Variants in KTN1 observed in about 807,000 individuals in gnomAD.
The protein encoded by KTN1 is kinectin.
In KTN1, 130 loss-of-function variants were observed where a neutral mutation model predicts 222.5. The observed-to-expected ratio is 0.58, with a 90% CI of 0.51 to 0.68. The LOEUF (loss-of-function observed/expected upper bound fraction) is 0.68, where lower values mean the gene tolerates loss of function less well. Ranked by LOEUF, KTN1 falls within the 30% of genes least tolerant of loss-of-function variation. The pLI, the probability that KTN1 is intolerant of heterozygous loss-of-function variation, is 0.00. For missense variants in KTN1, 1,508 were observed against 1,500.4 expected (o/e 1.01, Z -0.08); for synonymous variants, 512 against 496.3 (o/e 1.03, Z -0.42).
chr14:55,663,642 T>TTCTAATGTTCAA, intron 32 of KTN1: 1 of 237,788 alleles, frequency 4.2e-6, no homozygotes, highest in East Asian at 1.0e-4. Flanking sequence ...TCAATGTACC[T>TTCTAATGTTCAA]GAAATCATGT....
At chr14:55,584,944 G>T (rs558599807) in intron 1 of KTN1, among the ~76,000 whole-genome samples, 1 of 152,066 alleles carries the variant, frequency 6.6e-6, no homozygotes, top group East Asian at 1.9e-4. Flanking sequence ...ACCAGCCTGG[G>T]CAACGTGGCA....
chr14:55,683,809 T>TGAGTAGG, intron 43 of KTN1: 1 of 315,586 alleles, frequency 3.2e-6, no homozygotes, highest in Non-Finnish European at 5.8e-6. Context: ...ACTTTAGCTT[T>TGAGTAGG]ACATTCTCTT....
chr14:55,612,650 C>A, intron 2 of KTN1, 79 bp downstream of exon 2: 1 of 1,135,998 alleles, frequency 8.8e-7, no homozygotes, highest in Non-Finnish European at 1.2e-6. Context: ...TAGGTACATA[C>A]ACAGAATGTT....
At chr14:55,587,376 T>C (rs1198405447) in intron 1 of KTN1, among the ~76,000 whole-genome samples, 1 of 152,172 alleles carries the variant, frequency 6.6e-6, no homozygotes, top group African/African-American at 2.4e-5. Flanking sequence ...TAGTCCCAGT[T>C]AATCTTGTTC....
intron 32 of KTN1, among the ~76,000 whole-genome samples, chr14:55,662,725 AATTT>A: frequency 6.6e-6 from 1 of 152,274 alleles, no homozygotes; most frequent in East Asian, 1.9e-4. Context: ...TTAAATTGTT[AATTT>A]AACAAGTTGA....
intron 11 of KTN1, 67 bp downstream of exon 11, chr14:55,637,431 G>C (rs1282104961): frequency 2.7e-6 from 3 of 1,114,184 alleles, no homozygotes; most frequent in Non-Finnish European, 3.8e-6. Flanking sequence ...TGTGTGTCTA[G>C]AAGAGAGACT....
In KTN1 at chr14:55,671,666, A is replaced by C. The variant is rs1453047363; in HGVS notation, c.3438+11A>C. On this transcript the variant is annotated intron_variant, in intron 36 of 43. Coordinates refer to ENST00000395314, the MANE Select transcript of KTN1 (RefSeq NM_001079521.2). ...GTCCTTGCAGAAACAGTAGGAAATG[A>C]TTTTTAATCTACATTTTGATTTTAC... 2 of 1,596,564 alleles carry C rather than the reference A, an allele frequency of 1.3e-6. No homozygotes were observed. The highest frequency in any genetic ancestry group is 4.5e-5 in the East Asian group (2 of 44,710).
chr14:55,656,348 A>G, intron 29 of KTN1: 1 of 421,462 alleles, frequency 2.4e-6, no homozygotes, highest in Non-Finnish European at 4.2e-6. Flanking sequence ...GTTGAACTAT[A>G]CTAACTTGTA....
At chr14:55,649,323 T>G (rs1050558570) in intron 21 of KTN1, among the ~76,000 whole-genome samples, 24 of 151,660 alleles carry the variant, frequency 1.6e-4, no homozygotes, top group African/African-American at 5.1e-4. Context: ...TTTTAATTTA[T>G]GAATGATAAT....
intron 27 of KTN1, 23 bp from the exon 28 acceptor site, chr14:55,653,535 TA>T (rs2043154681): frequency 2.5e-6 from 4 of 1,594,886 alleles, no homozygotes; most frequent in Non-Finnish European, 3.4e-6. Flanking sequence ...CTAACAGCAT[TA>T]AAAATATGAT....
At chr14:55,639,562 T>TC (rs1156277441) in intron 13 of KTN1, among the ~76,000 whole-genome samples, 1 of 151,788 alleles carries the variant, frequency 6.6e-6, no homozygotes, top group Admixed American at 6.6e-5. Flanking sequence ...TTGTAGTTCT[T>TC]CTGTGTCCAG....
intron 1 of KTN1, among the ~76,000 whole-genome samples, chr14:55,587,763 A>C (rs372839497): frequency 6.6e-6 from 1 of 152,194 alleles, no homozygotes; most frequent in East Asian, 1.9e-4. Context: ...TTCTGGGTAC[A>C]GTTTCAGGTG....
intron 12 of KTN1, among the ~76,000 whole-genome samples, chr14:55,638,225 G>C (rs1951887): frequency 1.3e-5 from 2 of 151,670 alleles, no homozygotes; most frequent in East Asian, 1.9e-4. Flanking sequence ...AGGGGGAACA[G>C]TATGGTAACC....
In KTN1 at chr14:55,661,585, A is replaced by G. The variant is rs2044148015; in HGVS notation, c.3063A>G (p.Ala1021=). ...ATGAGTTAGATTCTTTGAAGGATGC[A>G]GTTGAACACCAGAGGAAGAAAAACA... ...LWNELDSLKD[A]VEHQRKKNND... The change falls in exon 32 of 44, where the codon GCA becomes GCG. Residue 1021 remains alanine, a synonymous_variant. Coordinates refer to ENST00000395314, the MANE Select transcript of KTN1 (RefSeq NM_001079521.2). 1 of 1,593,760 alleles carries G rather than the reference A, an allele frequency of 6.3e-7. No individual in the cohort carries two copies. Among genetic ancestry groups the G allele is most frequent in the Non-Finnish European group, 8.6e-7 (1 of 1,162,026 alleles).
chr14:55,679,956 G>T, intron 43 of KTN1: 2 of 400,298 alleles, frequency 5.0e-6, no homozygotes, highest in South Asian at 7.5e-5. Flanking sequence ...GTTTTTGTGT[G>T]TTGCCTTAAT....
At chr14:55,637,726 A>C (rs928502878) in intron 11 of KTN1, 53 bp from the exon 12 acceptor site, 2 of 1,271,490 alleles carry the variant, frequency 1.6e-6, no homozygotes, top group African/African-American at 3.0e-5. Flanking sequence ...GTTCATATAC[A>C]TGGGGTTATT....
chr14:55,676,559 G>A (rs74935793), intron 41 of KTN1, among the ~76,000 whole-genome samples: 9,174 of 152,046 alleles, frequency 0.06, 383 homozygotes, highest in South Asian at 0.09. Flanking sequence ...CAAGAGGTAC[G>A]CACTTAAATT....
intron 11 of KTN1, among the ~76,000 whole-genome samples, 176 bp downstream of exon 11, chr14:55,637,540 C>A (rs1437180124): frequency 1.3e-5 from 2 of 150,828 alleles, no homozygotes; most frequent in Non-Finnish European, 3.0e-5. Flanking sequence ...GTGTGCTCAC[C>A]CACAGTCTTA....
At chr14:55,683,359 A>G (rs976998922) in intron 43 of KTN1, 6 of 152,158 alleles carry the variant, frequency 3.9e-5, no homozygotes, top group African/African-American at 1.2e-4. Context: ...CTATATGTCT[A>G]CATATTTTGT....
Sources: gnomAD v4.1 joint callset for allele counts (sites outside exome capture counted in the v4.1 genomes callset) on GRCh38, gnomAD v4.1.1 for gene constraint, MANE v1.5 for transcripts, NCBI Gene and HGNC (gene_info 2026-07-23, HGNC 2026-07-21) for gene names.